The following CBL variants were observed in gnomAD, a reference collection of about 807,000 sequenced individuals.
CBL encodes the protein Cbl proto-oncogene, also known as E3 ubiquitin-protein ligase CBL.
A neutral mutation model predicts 96.9 loss-of-function variants in CBL; 45 were observed. That is an observed-to-expected ratio of 0.46 (90% CI 0.37 to 0.60). The LOEUF (loss-of-function observed/expected upper bound fraction) is 0.60. Ranked by LOEUF, CBL falls within the 20% of genes least tolerant of loss-of-function variation. The pLI, the probability that CBL is intolerant of heterozygous loss-of-function variation, is 0.00. For synonymous variants in CBL, 420 were observed against 426.8 expected (o/e 0.98, Z 0.20); for missense variants, 1,024 against 1,143.5 (o/e 0.90, Z 1.51).
chr11:119,306,385 G>A lies in CBL; in HGVS notation c.*6604G>A, dbSNP rs1950141096. ...GATTCAGTCCCAAAAATGAATGTCA[G>A]GCCCCGCCCCCTCCCCACCAACATT... is the stretch of plus-strand genomic sequence containing the variant. On this transcript the variant is annotated 3_prime_UTR_variant, in exon 16 of 16. Transcript: ENST00000264033. 5.0e-6 allele frequency: 2 copies of A among 398,768 alleles called. No homozygotes were observed. Among genetic ancestry groups the A allele is most frequent in the Non-Finnish European group, 8.8e-6 (2 of 226,154 alleles). 24.7% of individuals were successfully genotyped at this position (398,768 alleles called of 1,614,324 possible).
rs569180524 is a variant in CBL at position 119,306,356 on chromosome 11, G to C, written c.*6575G>C. ...TGAAGAAATCAGCAGAGTCCTGATTGCCTGATTCAGTCCCAAAAATGAATG... is the reference window on the plus strand; with the variant it reads ...TGAAGAAATCAGCAGAGTCCTGATTCCCTGATTCAGTCCCAAAAATGAATG... On this transcript the variant is annotated 3_prime_UTR_variant, in exon 16 of 16. Transcript: ENST00000264033. The C allele has an allele frequency of 6.7e-4, 266 of 398,734 alleles. 1 individual carries two copies. The highest frequency in any genetic ancestry group is 1.3e-3 in the Middle Eastern group (2 of 1,590). The allele number at this position is 398,734 out of a possible 1,614,324, so 24.7% of individuals were successfully genotyped here. A position where few individuals can be genotyped will look rare whatever the true frequency, so the allele number is the denominator to read the frequency against.
intron 12 of CBL, among the ~76,000 whole-genome samples, chr11:119,289,393 TACTA>T (rs1316933929): frequency 6.6e-6 from 1 of 152,158 alleles, no homozygotes. Flanking sequence ...GAATTTTTGA[TACTA>T]AGTAAGTTTT....
At chr11:119,261,015 C>T (rs1376345602) in intron 2 of CBL, among the ~76,000 whole-genome samples, 4 of 142,080 alleles carry the variant, frequency 2.8e-5, no homozygotes, top group Non-Finnish European at 4.5e-5. Flanking sequence ...CAGGTTCAAG[C>T]GATTCTGATG....
chr11:119,270,318 C>G (rs1370604864), intron 2 of CBL, among the ~76,000 whole-genome samples: 1 of 142,864 alleles, frequency 7.0e-6, no homozygotes, highest in Non-Finnish European at 1.5e-5. Context: ...AAACTCAGCT[C>G]ACTGCAACCT....
intron 2 of CBL, among the ~76,000 whole-genome samples, chr11:119,238,088 TC>T (rs1565861190): frequency 1.3e-5 from 2 of 152,022 alleles, no homozygotes; most frequent in Admixed American, 1.3e-4. Flanking sequence ...GTCAGGCTGG[TC>T]TTGAACTCCT....
intron 1 of CBL, among the ~76,000 whole-genome samples, chr11:119,225,724 C>CTTTTTTTT (rs57084908): frequency 9.8e-5 from 10 of 102,446 alleles, no homozygotes; most frequent in East Asian, 6.0e-4. Context: ...TAAATATTTT[C>CTTTTTTTT]TTTTTTTTTT....
Position 119,306,316 on chromosome 11 carries a change from T to G in CBL, c.*6535T>G, listed in dbSNP as rs1950140442. On this transcript the variant is annotated 3_prime_UTR_variant, in exon 16 of 16. Coordinates refer to ENST00000264033, the MANE Select transcript of CBL (RefSeq NM_005188.4). ...AAAGCCCAAAAGCCAACCTCAGATCTCCTGATTTGGCAGCTGAAGAAATCA... is the reference window on the plus strand; with the variant it reads ...AAAGCCCAAAAGCCAACCTCAGATCGCCTGATTTGGCAGCTGAAGAAATCA... 1 of 398,518 alleles carries G rather than the reference T, an allele frequency of 2.5e-6. No homozygotes were observed. Among genetic ancestry groups the G allele is most frequent in the South Asian group, 1.3e-4 (1 of 7,870 alleles). 24.7% of individuals were successfully genotyped at this position (398,518 alleles called of 1,614,324 possible).
intron 2 of CBL, among the ~76,000 whole-genome samples, chr11:119,233,420 G>A (rs1292390737): frequency 1.3e-5 from 2 of 152,078 alleles, no homozygotes; most frequent in African/African-American, 4.8e-5. Context: ...TTTTAGTAGA[G>A]ATGGGGTTTC....
intron 9 of CBL, among the ~76,000 whole-genome samples, chr11:119,282,356 CTA>C (rs1040515642): frequency 2.0e-5 from 3 of 150,644 alleles, no homozygotes; most frequent in Non-Finnish European, 4.4e-5. Flanking sequence ...AAAAAAAAGA[CTA>C]TTGCAAGGAT....
At chr11:119,286,535 A>G (rs949828255) in intron 11 of CBL, among the ~76,000 whole-genome samples, 3 of 152,218 alleles carry the variant, frequency 2.0e-5, no homozygotes, top group Admixed American at 6.5e-5. Context: ...AGCCACAATG[A>G]CAGAAATGCC....
chr11:119,284,969 G>A lies in CBL; in HGVS notation c.1432G>A (p.Val478Met). 1 of 1,614,052 alleles carries A rather than the reference G, an allele frequency of 6.2e-7. No homozygotes were observed. The highest frequency in any genetic ancestry group is 8.5e-7 in the Non-Finnish European group (1 of 1,180,008). The change falls in exon 10 of 16, where the codon GTG becomes ATG. Residue 478 changes from valine (V) to methionine (M), a missense_variant and splice_region_variant. By Grantham distance (21) the Val-to-Met change is conservative. Transcript: ENST00000264033. ...FMMKELAGAK[V>M]ERPPSPFSMA... ...CTGTTAAATTTTTTATGTACCCTAGGTGGAACGGCCGCCTTCTCCATTCTC... is the reference window on the plus strand; with the variant it reads ...CTGTTAAATTTTTTATGTACCCTAGATGGAACGGCCGCCTTCTCCATTCTC...
chr11:119,209,326 A>T (rs1006794281), intron 1 of CBL, among the ~76,000 whole-genome samples: 4 of 152,172 alleles, frequency 2.6e-5, no homozygotes, highest in African/African-American at 9.6e-5. Flanking sequence ...TCTTTTTAAC[A>T]AAATTTCTGG....
chr11:119,224,410 C>G (rs185865286), intron 1 of CBL, among the ~76,000 whole-genome samples: 14 of 152,148 alleles, frequency 9.2e-5, no homozygotes, highest in African/African-American at 2.9e-4. Flanking sequence ...CCACTGCCCC[C>G]CATTGAAAGT....
rs1211437014 is a variant in CBL, at chr11:119,270,434, ATATTTTTTT to A, written c.444-1299_444-1291del. On this transcript the variant is annotated intron_variant, in intron 2 of 15. Coordinates refer to ENST00000264033, the MANE Select transcript of CBL (RefSeq NM_005188.4). ...CTAATTTTTATATATATATATATAT[ATATTTTTTT>A]TTTTTTTTTTTTTTTTTTTTTGAGA... is the stretch of plus-strand genomic sequence containing the variant. 1.5e-3 allele frequency among the ~76,000 whole-genome samples: 61 copies of A among 41,526 alleles called. No individual in the cohort carries two copies. The South Asian group carries it at 0.02, about 14-fold the overall frequency. The allele number at this position is 41,526 out of a possible 152,430, so 27.2% of individuals were successfully genotyped here. A position where few individuals can be genotyped will look rare whatever the true frequency, so the allele number is the denominator to read the frequency against.
Position 119,302,117 on chromosome 11 carries a change from A to AAAAGC in CBL, c.*2336_*2337insAAAGC, listed in dbSNP as rs1224591054. ...TTTTGAGTCCTGTGTGGCTCTTTGAATCAGCGTGAAACTGAGGCTCCAGCT... is the reference window on the plus strand; with the variant it reads ...TTTTGAGTCCTGTGTGGCTCTTTGAAAAAGCTCAGCGTGAAACTGAGGCTCCAGCT... On this transcript the variant is annotated 3_prime_UTR_variant, in exon 16 of 16. Coordinates refer to ENST00000264033, the MANE Select transcript of CBL (RefSeq NM_005188.4). 5 of 232,774 alleles carry AAAAGC rather than the reference A, an allele frequency of 2.1e-5. No homozygotes were observed. Among genetic ancestry groups the AAAAGC allele is most frequent in the Non-Finnish European group, 4.2e-5 (5 of 117,846 alleles). The allele number at this position is 232,774 out of a possible 1,614,324, so 14.4% of individuals were successfully genotyped here. A position where few individuals can be genotyped will look rare whatever the true frequency, so the allele number is the denominator to read the frequency against.
rs555179188 is a variant in CBL, at chr11:119,298,350, T to C, written c.2252-8T>C. ...CAGAAGAAGATAACATCACTCATTTTTCTCCAGGTGAAGGGAATTTGGCCG... is the reference window on the plus strand; with the variant it reads ...CAGAAGAAGATAACATCACTCATTTCTCTCCAGGTGAAGGGAATTTGGCCG... On this transcript the variant is annotated splice_polypyrimidine_tract_variant and splice_region_variant and intron_variant, in intron 14 of 15. Transcript: ENST00000264033. 45 of 1,613,720 alleles carry C rather than the reference T, an allele frequency of 2.8e-5. No homozygotes were observed. In the East Asian group the frequency reaches 9.6e-4, roughly 34 times the overall value.
At chr11:119,261,180 C>T (rs866090166) in intron 2 of CBL, among the ~76,000 whole-genome samples, 3 of 152,030 alleles carry the variant, frequency 2.0e-5, no homozygotes, top group South Asian at 4.1e-4. Context: ...TCCCAAAGTG[C>T]TAGGATTACA....
chr11:119,296,152 C>T (rs1450985567), intron 12 of CBL, among the ~76,000 whole-genome samples: 1 of 152,194 alleles, frequency 6.6e-6, no homozygotes, highest in Non-Finnish European at 1.5e-5. Flanking sequence ...ATCAAGCAGA[C>T]AAACGAAAGA....
chr11:119,278,676 A>G lies in CBL; in HGVS notation c.1394A>G (p.Asp465Gly), dbSNP rs770644035. The G allele has an allele frequency of 6.2e-7, 1 of 1,614,048 alleles. No homozygotes were observed. The highest frequency in any genetic ancestry group is 1.1e-5 in the South Asian group (1 of 91,082). The change falls in exon 9 of 16, where the codon GAT (aspartate) becomes GGT (glycine). Residue 465 changes from aspartate to glycine, a missense_variant. Transcript: ENST00000264033. The part of the protein sequence containing the change: ...YDDDDDERAD[D>G]TLFMMKELAG... ...GATGATGATGATGAACGAGCTGATGATACTCTCTTCATGATGAAGGAATTG... is the reference window on the plus strand; with the variant it reads ...GATGATGATGATGAACGAGCTGATGGTACTCTCTTCATGATGAAGGAATTG...
Sources: gnomAD v4.1 joint callset for allele counts (sites outside exome capture counted in the v4.1 genomes callset) on GRCh38, gnomAD v4.1.1 for gene constraint, MANE v1.5 for transcripts, NCBI Gene and HGNC (gene_info 2026-07-23, HGNC 2026-07-21) for gene names.